Variants in INSL6 observed in about 807,000 individuals in gnomAD.
INSL6 encodes insulin-like peptide INSL6.
In INSL6, 16 loss-of-function variants were observed where a neutral mutation model predicts 9.4. That is an observed-to-expected ratio of 1.70 (90% CI 1.15 to 2.59). INSL6 has a LOEUF of 2.59. INSL6 is among the 30% of genes most tolerant of loss of function. The pLI, the probability that INSL6 is intolerant of heterozygous loss-of-function variation, is 0.00. For synonymous variants in INSL6, 154 were observed against 96.9 expected (o/e 1.59, Z -3.46); for missense variants, 391 against 257.3 (o/e 1.52, Z -3.56).
downstream of INSL6, among the ~76,000 whole-genome samples, chr9:5,162,388 G>T (rs1824945598): frequency 6.6e-6 from 1 of 152,140 alleles, no homozygotes; most frequent in South Asian, 2.1e-4. Context: ...AATGTGTAGG[G>T]AAGTATATAG....
At chr9:5,023,286 C>G in the INSL6 span, among the ~76,000 whole-genome samples, 1 of 152,208 alleles carries the variant, frequency 6.6e-6, no homozygotes, top group African/African-American at 2.4e-5. Flanking sequence ...GCTTATTTCA[C>G]TCGACATAAT....
At chr9:5,170,458 C>G (rs1825154662) in intron 1 of INSL6, among the ~76,000 whole-genome samples, 1 of 151,622 alleles carries the variant, frequency 6.6e-6, no homozygotes, top group Admixed American at 6.6e-5. Flanking sequence ...CAAGAGCAAA[C>G]AAACCCCAAA....
At chr9:5,148,764 T>C (rs889065224) in intron 2 of INSL6, among the ~76,000 whole-genome samples, 1 of 152,050 alleles carries the variant, frequency 6.6e-6, no homozygotes, top group Non-Finnish European at 1.5e-5. Flanking sequence ...TTCCAGACAT[T>C]TGGGGTTGGG....
chr9:5,173,727 A>C (rs1243008741), intron 1 of INSL6, among the ~76,000 whole-genome samples: 1 of 152,074 alleles, frequency 6.6e-6, no homozygotes, highest in African/African-American at 2.4e-5. Flanking sequence ...TTACCTATGT[A>C]ATGAACTTGC....
At chr9:5,023,774 G>A in the INSL6 span, among the ~76,000 whole-genome samples, 1 of 152,174 alleles carries the variant, frequency 6.6e-6, no homozygotes, top group Non-Finnish European at 1.5e-5. Context: ...TAGTGGGGAA[G>A]TGGATATGAG....
At chr9:5,005,638 C>A in the INSL6 span, among the ~76,000 whole-genome samples, 1 of 151,840 alleles carries the variant, frequency 6.6e-6, no homozygotes, top group Non-Finnish European at 1.5e-5. Context: ...TTTTCATGTC[C>A]TTACATATTT....
the INSL6 span, among the ~76,000 whole-genome samples, chr9:5,049,937 AC>A: frequency 1.3e-5 from 2 of 152,222 alleles, no homozygotes; most frequent in Non-Finnish European, 2.9e-5. Flanking sequence ...TAAAAAAGAT[AC>A]AGTAAAAATG....
At chr9:5,172,005 A>G (rs1254721402) in intron 1 of INSL6, among the ~76,000 whole-genome samples, 1 of 152,206 alleles carries the variant, frequency 6.6e-6, no homozygotes, top group Admixed American at 6.5e-5. Context: ...GTATGGAACC[A>G]AAAGAGCTCA....
chr9:5,043,601 A>G, the INSL6 span, among the ~76,000 whole-genome samples: 1 of 152,246 alleles, frequency 6.6e-6, no homozygotes, highest in African/African-American at 2.4e-5. Flanking sequence ...TTCTAGATAT[A>G]TATGCAATAG....
chr9:5,175,947 C>T (rs1825294786), intron 1 of INSL6, among the ~76,000 whole-genome samples: 1 of 152,142 alleles, frequency 6.6e-6, no homozygotes, highest in African/African-American at 2.4e-5. Context: ...ACGTAATGCG[C>T]TTGGATCATC....
At chr9:5,058,859 G>A in the INSL6 span, among the ~76,000 whole-genome samples, 1 of 152,018 alleles carries the variant, frequency 6.6e-6, no homozygotes, top group African/African-American at 2.4e-5. Flanking sequence ...ATATATTCAA[G>A]TCCTTTGCTC....
the INSL6 span, among the ~76,000 whole-genome samples, chr9:5,079,281 T>C: frequency 1.5e-5 from 2 of 132,052 alleles, no homozygotes; most frequent in East Asian, 3.9e-4. Flanking sequence ...TCAATCAATC[T>C]ATTTGTCTGT....
At chr9:5,129,221 T>C (rs918736897) in intron 3 of INSL6, among the ~76,000 whole-genome samples, 5 of 152,112 alleles carry the variant, frequency 3.3e-5, no homozygotes, top group Non-Finnish European at 5.9e-5. Flanking sequence ...GTGCTCACTT[T>C]ATTGAGCCTA....
At chr9:5,138,228 C>A (rs1276678145) in intron 2 of INSL6, among the ~76,000 whole-genome samples, 3 of 152,198 alleles carry the variant, frequency 2.0e-5, no homozygotes, top group Non-Finnish European at 4.4e-5. Flanking sequence ...AATTCCGTTA[C>A]TGGGTATATA....
intron 2 of INSL6, among the ~76,000 whole-genome samples, chr9:5,149,111 G>A (rs76540801): frequency 2.6e-5 from 4 of 152,204 alleles, no homozygotes; most frequent in African/African-American, 4.8e-5. Context: ...CATCTCTGTC[G>A]AATCTCTGGG....
the INSL6 span, chr9:5,110,808 G>C: frequency 9.4e-6 from 4 of 426,632 alleles, no homozygotes; most frequent in African/African-American, 8.2e-5. Context: ...ACGCCTGGGG[G>C]CCCTGCTGCA....
chr9:5,061,836 T>C, the INSL6 span, among the ~76,000 whole-genome samples: 1 of 152,012 alleles, frequency 6.6e-6, no homozygotes, highest in African/African-American at 2.4e-5. Flanking sequence ...TAATCATTTC[T>C]AGCTTTTGAT....
At chr9:5,039,615 GAACTA>G in the INSL6 span, among the ~76,000 whole-genome samples, 1 of 151,892 alleles carries the variant, frequency 6.6e-6, no homozygotes, top group African/African-American at 2.4e-5. Flanking sequence ...AAAACTATTA[GAACTA>G]ATAAATGAGC....
chr9:5,074,348 T>C, the INSL6 span, among the ~76,000 whole-genome samples: 1 of 152,184 alleles, frequency 6.6e-6, no homozygotes, highest in South Asian at 2.1e-4. Flanking sequence ...TTTTTACATA[T>C]TGAAGGTTTA....
Sources: gnomAD v4.1 joint callset for allele counts (sites outside exome capture counted in the v4.1 genomes callset) on GRCh38, gnomAD v4.1.1 for gene constraint, MANE v1.5 for transcripts, NCBI Gene and HGNC (gene_info 2026-07-23, HGNC 2026-07-21) for gene names.